CADM2: variants seen among roughly 807,000 people sequenced by gnomAD.
The protein encoded by CADM2 is cell adhesion molecule 2.
A neutral mutation model predicts 49.8 loss-of-function variants in CADM2; 12 were observed. The ratio of observed to expected loss-of-function variants is 0.24; its 90% CI spans 0.15 to 0.39. The LOEUF (loss-of-function observed/expected upper bound fraction) is 0.39. CADM2 is among the 10% of genes least tolerant of loss of function. The probability of loss-of-function intolerance (pLI) is 1.00; values close to 1 mark genes in which losing one functional copy is unlikely to be tolerated. For synonymous variants in CADM2, 214 were observed against 175.4 expected, an observed-to-expected ratio of 1.22 and a Z score of -1.74; for missense variants, 378 against 492.3, an observed-to-expected ratio of 0.77 and a Z score of 2.20.
At chr3:85,954,223 A>T (rs575927264) in intron 7 of CADM2, among the ~76,000 whole-genome samples, 1 of 151,132 alleles carries the variant, frequency 6.6e-6, no homozygotes, top group East Asian at 2.0e-4. Flanking sequence ...CACTGCAATG[A>T]CCTAAAGCAA....
chr3:85,246,590 A>G (rs961543842), intron 1 of CADM2, among the ~76,000 whole-genome samples: 5 of 152,182 alleles, frequency 3.3e-5, no homozygotes, highest in African/African-American at 9.6e-5. Flanking sequence ...ATTCCAGGAT[A>G]ATTGTAAAAT....
intron 1 of CADM2, among the ~76,000 whole-genome samples, chr3:85,670,057 T>A (rs899970889): frequency 2.0e-5 from 3 of 152,062 alleles, no homozygotes; most frequent in East Asian, 1.9e-4. Flanking sequence ...TTGAAAAAAA[T>A]TAGATTAGAA....
intron 1 of CADM2, among the ~76,000 whole-genome samples, chr3:85,684,536 T>C (rs1171911820): frequency 6.6e-6 from 1 of 152,118 alleles, no homozygotes; most frequent in African/African-American, 2.4e-5. Flanking sequence ...GTCTTGTGTA[T>C]TAGTTCATTT....
chr3:85,424,677 A>G (rs932030122), intron 1 of CADM2, among the ~76,000 whole-genome samples: 2 of 152,196 alleles, frequency 1.3e-5, no homozygotes, highest in Non-Finnish European at 2.9e-5. Flanking sequence ...AAATATTTTC[A>G]AATATGTAAT....
At chr3:85,446,392 T>G (rs1361992191) in intron 1 of CADM2, among the ~76,000 whole-genome samples, 1 of 152,172 alleles carries the variant, frequency 6.6e-6, no homozygotes, top group Non-Finnish European at 1.5e-5. Context: ...AGCAAGACCA[T>G]GGTCAATAGC....
intron 8 of CADM2, among the ~76,000 whole-genome samples, chr3:86,042,341 TA>T (rs1257714145): frequency 1.3e-5 from 2 of 151,300 alleles, no homozygotes; most frequent in Admixed American, 6.6e-5. Context: ...GCAAGACTAA[TA>T]AAGAAGAAAA....
intron 1 of CADM2, among the ~76,000 whole-genome samples, chr3:85,333,232 T>A (rs1188116045): frequency 2.0e-5 from 3 of 151,784 alleles, no homozygotes; most frequent in African/African-American, 7.2e-5. Context: ...GATTATGATA[T>A]GTTGTAATAG....
chr3:85,120,938 T>G lies in CADM2; in HGVS notation c.61+161270T>G, dbSNP rs569212421. Among the ~76,000 whole-genome samples the G allele has an allele frequency of 1.6e-4, 24 of 152,326 alleles. 1 individual carries two copies. In the South Asian group the frequency reaches 5.0e-3, roughly 32 times the overall value. Reference sequence around the variant, plus strand: ...AACAGGGAATTCTAGTGAAACACGCTGTGAAGTACATTCCAAAAGTGATAT... The same window carrying G: ...AACAGGGAATTCTAGTGAAACACGCGGTGAAGTACATTCCAAAAGTGATAT... On this transcript the variant is annotated intron_variant, in intron 1 of 9. Transcript: ENST00000383699.
chr3:85,411,127 G>C (rs911524604), intron 1 of CADM2, among the ~76,000 whole-genome samples: 4 of 152,168 alleles, frequency 2.6e-5, no homozygotes, highest in African/African-American at 9.7e-5. Context: ...AGTTTGACGT[G>C]GTACGATGAA....
At chr3:85,746,724 A>G (rs1297933453) in intron 2 of CADM2, among the ~76,000 whole-genome samples, 1 of 152,106 alleles carries the variant, frequency 6.6e-6, no homozygotes, top group African/African-American at 2.4e-5. Context: ...CCTCTGAACC[A>G]TCTAGAGCTC....
intron 2 of CADM2, among the ~76,000 whole-genome samples, chr3:85,772,477 G>C (rs1553684069): frequency 6.6e-6 from 1 of 151,396 alleles, no homozygotes; most frequent in Non-Finnish European, 1.5e-5. Context: ...CTTGAATTAA[G>C]ATACAGACAA....
intron 1 of CADM2, among the ~76,000 whole-genome samples, chr3:85,123,012 T>C (rs1559675469): frequency 6.6e-6 from 1 of 152,156 alleles, no homozygotes; most frequent in East Asian, 1.9e-4. Context: ...TAAATGTGTT[T>C]ACCTACCTAA....
intron 1 of CADM2, among the ~76,000 whole-genome samples, chr3:85,613,193 T>C (rs548783106): frequency 6.6e-6 from 1 of 151,874 alleles, no homozygotes; most frequent in African/African-American, 2.4e-5. Flanking sequence ...TATTAAGCAG[T>C]GAGGAAATCA....
intron 1 of CADM2, among the ~76,000 whole-genome samples, chr3:85,245,436 C>A (rs1028229668): frequency 3.3e-5 from 5 of 151,360 alleles, no homozygotes; most frequent in Non-Finnish European, 7.4e-5. Flanking sequence ...GGCGGGAACC[C>A]GGGAGGCGAA....
chr3:85,294,984 A>G (rs1363553274), intron 1 of CADM2, among the ~76,000 whole-genome samples: 2 of 152,124 alleles, frequency 1.3e-5, no homozygotes, highest in South Asian at 2.1e-4. Flanking sequence ...AAAAGAAACT[A>G]CCATCAGAGT....
At chr3:85,440,673 A>C (rs2037158039) in intron 1 of CADM2, among the ~76,000 whole-genome samples, 1 of 152,196 alleles carries the variant, frequency 6.6e-6, no homozygotes, top group Admixed American at 6.6e-5. Context: ...ACTTTTATAC[A>C]ATGACATTGT....
chr3:85,708,398 C>A (rs1361183919), intron 1 of CADM2, among the ~76,000 whole-genome samples: 1 of 151,800 alleles, frequency 6.6e-6, no homozygotes, highest in African/African-American at 2.4e-5. Flanking sequence ...ACAATAAAAC[C>A]CACTGTAACT....
At chr3:85,581,911 T>TTTTTGTTTTGTTTTG (rs146275697) in intron 1 of CADM2, among the ~76,000 whole-genome samples, 25 of 150,174 alleles carry the variant, frequency 1.7e-4, no homozygotes, top group African/African-American at 6.1e-4. Flanking sequence ...TTTGAAGTGT[T>TTTTTGTTTTGTTTTG]TTTTGTTTTG....
chr3:85,515,405 TTTTGTTTG>T (rs199690179), intron 1 of CADM2, among the ~76,000 whole-genome samples: 1 of 133,206 alleles, frequency 7.5e-6, no homozygotes, highest in African/African-American at 2.6e-5. Context: ...TTCTCTTTTC[TTTTGTTTG>T]TTTGTTTGTT....
Sources: allele counts gnomAD v4.1 joint callset (sites outside exome capture counted in the v4.1 genomes callset), GRCh38; gene constraint gnomAD v4.1.1; transcripts MANE v1.5; gene names NCBI Gene and HGNC (gene_info 2026-07-23, HGNC 2026-07-21).